CHAF1A: variants seen among roughly 807,000 people sequenced by gnomAD.
The protein encoded by CHAF1A is CAF-1 subunit A.
In CHAF1A, 5 loss-of-function variants were observed where a neutral mutation model predicts 93.2. The observed-to-expected ratio is 0.05, with a 90% CI of 0.03 to 0.11. The LOEUF (loss-of-function observed/expected upper bound fraction) is 0.11, where lower values mean the gene tolerates loss of function less well. CHAF1A is among the 10% of genes least tolerant of loss of function. CHAF1A has a pLI of 1.00. For missense variants in CHAF1A, 1,102 were observed against 1,259.9 expected, an observed-to-expected ratio of 0.87 and a Z score of 1.90; for synonymous variants, 504 against 510.3, an observed-to-expected ratio of 0.99 and a Z score of 0.17.
At chr19:4,434,878 C>T (rs1974253805) in intron 13 of CHAF1A, among the ~76,000 whole-genome samples, 1 of 152,058 alleles carries the variant, frequency 6.6e-6, no homozygotes, top group African/African-American at 2.4e-5. Context: ...TGATTCCAGC[C>T]TTATGGGTGC....
At chr19:4,425,826 T>C (rs59162336) in intron 7 of CHAF1A, among the ~76,000 whole-genome samples, 3,600 of 152,336 alleles carry the variant, frequency 0.024, 142 homozygotes, top group African/African-American at 0.083. Flanking sequence ...AACTCAGATG[T>C]ACATTCCCGG....
chr19:4,447,369 A>G, downstream of CHAF1A: 4 of 636,258 alleles, frequency 6.3e-6, no homozygotes, highest in Admixed American at 8.1e-5. Context: ...ACCGGTGCAT[A>G]AAAGTCTTGC....
rs377263117 is a variant in CHAF1A at position 4,409,741 on chromosome 19, C to T, written c.942C>T (p.Thr314=). The T allele has an allele frequency of 3.1e-6, 5 of 1,610,988 alleles. No individual in the cohort carries two copies. The highest frequency in any genetic ancestry group is 3.4e-6 in the Non-Finnish European group (4 of 1,177,760). ...ACAGCAGTACCAGTCCCTTCCCCAC[C>T]TCCACGCCCCTCCGCAGAGTGAGTA... The part of the protein sequence containing the change: ...KQHSSTSPFP[T]STPLRRITKK... The change falls in exon 3 of 15, where the codon ACC becomes ACT. Residue 314 remains threonine (T), a synonymous_variant. Transcript: ENST00000301280.
At chr19:4,436,617 A>G (rs1247968809) in intron 13 of CHAF1A, among the ~76,000 whole-genome samples, 1 of 152,200 alleles carries the variant, frequency 6.6e-6, no homozygotes. Flanking sequence ...CTATGCAAGC[A>G]GTTTTCCAGG....
intron 3 of CHAF1A, among the ~76,000 whole-genome samples, chr19:4,416,239 C>T (rs1377305784): frequency 6.6e-6 from 1 of 152,188 alleles, no homozygotes; most frequent in Non-Finnish European, 1.5e-5. Context: ...GAAAATGGGC[C>T]TTTGGTTTTT....
chr19:4,434,891 C>T (rs1018003937), intron 13 of CHAF1A, among the ~76,000 whole-genome samples: 8 of 151,974 alleles, frequency 5.3e-5, no homozygotes, highest in Non-Finnish European at 8.8e-5. Flanking sequence ...ATGGGTGCCT[C>T]GGAGGCACAA....
At chr19:4,447,747 G>A (rs980054850), downstream of CHAF1A, 10 of 1,007,348 alleles carry the variant, frequency 9.9e-6, no homozygotes, top group African/African-American at 3.2e-5. Context: ...GGGAAGAAGC[G>A]GCCCAGTGAC....
chr19:4,425,050 C>T lies in CHAF1A; in HGVS notation c.1377+1176C>T, dbSNP rs545078057. On this transcript the variant is annotated intron_variant, in intron 7 of 14. Coordinates refer to ENST00000301280, the MANE Select transcript of CHAF1A (RefSeq NM_005483.3). ...TCGGCCTCTCAAAGCACTTGGATTA[C>T]AGGTGTGAGTCCCTGCACCTGGCCT... Among the ~76,000 whole-genome samples the T allele has an allele frequency of 2.6e-5, 4 of 152,200 alleles. No individual in the cohort carries two copies. The East Asian group carries it at 7.8e-4, about 29-fold the overall frequency.
At position 4,442,260 on chromosome 19, in the gene CHAF1A, A is replaced by T; in HGVS notation, c.2689A>T (p.Met897Leu). 6.2e-7 allele frequency: 1 copy of T among 1,614,040 alleles called. No homozygotes were observed. The highest frequency in any genetic ancestry group is 8.5e-7 in the Non-Finnish European group (1 of 1,179,948). ...RHDGQIGAED[M>L]DGFQADTEEE... ...GTCTGTCCAGATTGGTGCTGAAGAC[A>T]TGGACGGCTTCCAGGCAGACACGGA... The change falls in exon 14 of 15, where the codon ATG becomes TTG. Residue 897 changes from methionine to leucine, a missense_variant. Transcript: ENST00000301280.
chr19:4,402,734 T>C lies in CHAF1A; in HGVS notation c.-29T>C. On this transcript the variant is annotated 5_prime_UTR_variant, in exon 1 of 15. Transcript: ENST00000301280. ...GAGGGGAGCCCGCGCCTCCGCCGCC[T>C]GAGAGGAGGTCGAGCTGCCGCCGGG... is the stretch of plus-strand genomic sequence containing the variant. 2 of 1,196,286 alleles carry C rather than the reference T, an allele frequency of 1.7e-6. No homozygotes were observed. The highest frequency in any genetic ancestry group is 1.0e-6 in the Non-Finnish European group (1 of 964,284). The allele number at this position is 1,196,286 out of a possible 1,614,324, so 74.1% of individuals were successfully genotyped here.
At chr19:4,419,237 C>T (rs1354341115) in intron 4 of CHAF1A, among the ~76,000 whole-genome samples, 2 of 151,766 alleles carry the variant, frequency 1.3e-5, no homozygotes, top group African/African-American at 2.4e-5. Context: ...CATGTCATAC[C>T]GAAACAAACC....
At chr19:4,413,070 T>G (rs1973835972) in intron 3 of CHAF1A, among the ~76,000 whole-genome samples, 1 of 151,150 alleles carries the variant, frequency 6.6e-6, no homozygotes, top group Non-Finnish European at 1.5e-5. Flanking sequence ...ACCTAACTCT[T>G]TTTTATTTTT....
downstream of CHAF1A, chr19:4,446,929 G>A (rs1355803740): frequency 1.2e-6 from 2 of 1,613,294 alleles, no homozygotes; most frequent in Non-Finnish European, 8.5e-7. Flanking sequence ...TCCTGGGGGT[G>A]GAGATGGGCG....
At chr19:4,440,999 TAA>T (rs71166997) in intron 13 of CHAF1A, among the ~76,000 whole-genome samples, 132 of 132,662 alleles carry the variant, frequency 1.0e-3, no homozygotes, top group African/African-American at 2.0e-3. Context: ...GGGCACCTGT[TAA>T]AAAAAAAAAA....
chr19:4,448,579 C>G (rs945800343), downstream of CHAF1A: 5 of 637,712 alleles, frequency 7.8e-6, no homozygotes, highest in African/African-American at 3.6e-5. Context: ...TCCAAGACCG[C>G]AGCCCTGCCC....
rs370633320 is a variant in CHAF1A, at chr19:4,408,950, G to A, written c.151G>A (p.Asp51Asn). The A allele has an allele frequency of 9.1e-5, 147 of 1,613,212 alleles. 1 individual carries two copies. The highest frequency in any genetic ancestry group is 1.6e-4 in the Middle Eastern group (1 of 6,082). Residue 51 changes from aspartate (D) to asparagine (N), a missense_variant, in exon 3 of 15, where the codon GAT becomes AAT. Asp to Asn is a conservative substitution (Grantham distance 23). This residue lies in a region of CHAF1A where 379 missense variants were observed against 365.7 expected (regional missense o/e 1.04). Coordinates refer to ENST00000301280, the MANE Select transcript of CHAF1A (RefSeq NM_005483.3). ...RLNLVPKGKA[D>N]DMSDDQGTSV... ...GAATCTTGTCCCAAAGGGGAAAGCC[G>A]ATGACATGTCAGACGATCAGGGTAC...
intron 13 of CHAF1A, among the ~76,000 whole-genome samples, chr19:4,437,096 G>A (rs1402229317): frequency 6.6e-6 from 1 of 152,188 alleles, no homozygotes; most frequent in Non-Finnish European, 1.5e-5. Context: ...CTGCTGCGTG[G>A]CACAGGTGAG....
At chr19:4,425,620 C>T (rs1459616299) in intron 7 of CHAF1A, among the ~76,000 whole-genome samples, 1 of 152,200 alleles carries the variant, frequency 6.6e-6, no homozygotes, top group Non-Finnish European at 1.5e-5. Flanking sequence ...GTGCTAGGAT[C>T]ACAGGCATGA....
intron 11 of CHAF1A, among the ~76,000 whole-genome samples, chr19:4,431,539 C>G (rs181639414): frequency 2.0e-5 from 3 of 152,248 alleles, no homozygotes; most frequent in Non-Finnish European, 4.4e-5. Context: ...GAGGCCTAGG[C>G]ATTCCTTGTG....
Sources: gnomAD v4.1 joint callset for allele counts (sites outside exome capture counted in the v4.1 genomes callset) on GRCh38, gnomAD v4.1.1 for gene constraint, gnomAD v4.1.1 regional missense constraint, MANE v1.5 for transcripts, NCBI Gene and HGNC (gene_info 2026-07-23, HGNC 2026-07-21) for gene names.